Variants in NTRK2 observed in about 807,000 individuals in gnomAD.
NTRK2 encodes neurotrophic receptor tyrosine kinase 2, also known as BDNF/NT-3 growth factors receptor.
NTRK2 carries 13 observed loss-of-function variants against 94.5 expected under a neutral mutation model. The ratio of observed to expected loss-of-function variants is 0.14; its 90% confidence interval spans 0.09 to 0.22. NTRK2 has a LOEUF of 0.22. Among genes scored for constraint, NTRK2 ranks in the 10% least tolerant of loss-of-function variants. NTRK2 has a pLI of 1.00. For synonymous variants in NTRK2, 372 were observed against 407.4 expected (o/e 0.91, Z 1.05); for missense variants, 639 against 1,071.2 (o/e 0.60, Z 5.63).
At chr9:84,984,420 T>C (rs1394880783) in intron 17 of NTRK2, among the ~76,000 whole-genome samples, 4 of 152,062 alleles carry the variant, frequency 2.6e-5, no homozygotes, top group Non-Finnish European at 5.9e-5. Flanking sequence ...TGTAGTTAGC[T>C]GAGATCACAC....
intron 2 of NTRK2, among the ~76,000 whole-genome samples, chr9:84,683,225 C>T (rs1337896170): frequency 3.3e-5 from 5 of 152,056 alleles, no homozygotes; most frequent in Non-Finnish European, 1.5e-5. Context: ...GCAGAATGTA[C>T]AGGTTTGTTA....
chr9:84,793,601 A>G (rs1023028261), intron 12 of NTRK2, among the ~76,000 whole-genome samples: 1 of 152,216 alleles, frequency 6.6e-6, no homozygotes, highest in African/African-American at 2.4e-5. Context: ...TTTACAAAAT[A>G]TAGTTTTTAA....
intron 14 of NTRK2, among the ~76,000 whole-genome samples, chr9:84,902,983 T>A (rs1031518386): frequency 3.3e-5 from 5 of 152,330 alleles, no homozygotes; most frequent in Middle Eastern, 3.4e-3. Flanking sequence ...CAATGATTGT[T>A]CATTCCTTTC....
Position 84,863,106 on chromosome 9 carries a change from A to C in NTRK2, c.1444+2019A>C, listed in dbSNP as rs562545046. 1.8e-4 allele frequency among the ~76,000 whole-genome samples: 28 copies of C among 152,284 alleles called. No homozygotes were observed. The East Asian group carries it at 4.4e-3, about 24-fold the overall frequency. ...TTAGCACGGCCCCAGATGTCAAAGC[A>C]CCAGAATCCAGAATATAAAAAGGCT... is the stretch of plus-strand genomic sequence containing the variant. On this transcript the variant is annotated intron_variant, in intron 13 of 18. Transcript: ENST00000277120.
intron 4 of NTRK2, among the ~76,000 whole-genome samples, chr9:84,707,018 A>C (rs947006939): frequency 3.9e-5 from 6 of 152,212 alleles, no homozygotes; most frequent in African/African-American, 1.4e-4. Context: ...TACTCTTTAA[A>C]TAAATTTAAA....
chr9:84,979,502 A>G (rs1827316223), intron 17 of NTRK2, among the ~76,000 whole-genome samples: 1 of 152,220 alleles, frequency 6.6e-6, no homozygotes, highest in African/African-American at 2.4e-5. Flanking sequence ...TCATGAATGA[A>G]CAAATAAAGT....
At chr9:84,878,619 A>T (rs1461390138) in intron 14 of NTRK2, among the ~76,000 whole-genome samples, 1 of 148,136 alleles carries the variant, frequency 6.8e-6, no homozygotes, top group Non-Finnish European at 1.5e-5. Flanking sequence ...GGCGACAGAA[A>T]GAGACTATGT....
intron 4 of NTRK2, 37 bp from the exon 5 acceptor site, chr9:84,707,807 T>C: frequency 6.6e-7 from 1 of 1,515,212 alleles, no homozygotes. Context: ...AAATGTAACA[T>C]TTTAAATTCA....
intron 12 of NTRK2, among the ~76,000 whole-genome samples, chr9:84,845,098 C>T (rs772559868): frequency 4.6e-5 from 7 of 152,160 alleles, no homozygotes; most frequent in Non-Finnish European, 8.8e-5. Context: ...TCCAGCACTA[C>T]CACTACCAGG....
chr9:84,951,256 C>A (rs2078772155), intron 16 of NTRK2, among the ~76,000 whole-genome samples: 1 of 152,194 alleles, frequency 6.6e-6, no homozygotes, highest in Admixed American at 6.5e-5. Flanking sequence ...CTGAGACAAT[C>A]TTGATGCATT....
At chr9:84,836,142 T>C (rs908129464) in intron 12 of NTRK2, among the ~76,000 whole-genome samples, 75 of 152,348 alleles carry the variant, frequency 4.9e-4, no homozygotes, top group African/African-American at 1.7e-3. Context: ...AGAAGTAAAA[T>C]TGTTAAAATA....
intron 12 of NTRK2, among the ~76,000 whole-genome samples, chr9:84,774,928 A>G (rs1221398159): frequency 6.6e-6 from 1 of 152,232 alleles, no homozygotes; most frequent in Non-Finnish European, 1.5e-5. Flanking sequence ...AAAAAAAGAC[A>G]GTGGTGGAAG....
At chr9:84,811,155 C>A in intron 12 of NTRK2, 1 of 1,062,518 alleles carries the variant, frequency 9.4e-7, no homozygotes. Flanking sequence ...TATACCATCA[C>A]TTTGGGACTT....
chr9:84,808,502 T>C (rs566052483), intron 12 of NTRK2, among the ~76,000 whole-genome samples: 45 of 152,356 alleles, frequency 3.0e-4, no homozygotes, highest in African/African-American at 9.1e-4. Flanking sequence ...TTAATACTCA[T>C]ATTGTTTCAG....
chr9:84,699,413 G>A (rs1170090548), intron 2 of NTRK2, among the ~76,000 whole-genome samples: 1 of 152,096 alleles, frequency 6.6e-6, no homozygotes, highest in African/African-American at 2.4e-5. Context: ...TTTATCCAGG[G>A]CATTCTTGCC....
intron 12 of NTRK2, 98 bp downstream of exon 12, chr9:84,752,183 A>G (rs2064686491): frequency 1.1e-6 from 1 of 939,486 alleles, no homozygotes; most frequent in Admixed American, 1.9e-5. Flanking sequence ...TAGATTTATG[A>G]TGATTAGGTT....
At chr9:84,918,728 C>T (rs994289647) in intron 14 of NTRK2, among the ~76,000 whole-genome samples, 1 of 152,230 alleles carries the variant, frequency 6.6e-6, no homozygotes, top group African/African-American at 2.4e-5. Context: ...GTATGGTAGC[C>T]GAGTGAATAA....
intron 13 of NTRK2, among the ~76,000 whole-genome samples, chr9:84,866,393 G>A (rs1313655003): frequency 2.0e-5 from 3 of 152,072 alleles, no homozygotes; most frequent in Admixed American, 6.6e-5. Context: ...CATATAAGTC[G>A]ATGTAGAGGT....
At chr9:84,678,623 G>A (rs2059204526) in intron 2 of NTRK2, among the ~76,000 whole-genome samples, 1 of 152,154 alleles carries the variant, frequency 6.6e-6, no homozygotes, top group Non-Finnish European at 1.5e-5. Context: ...TGATGCATGT[G>A]TAGGGGTGGA....
Sources: gnomAD v4.1 joint callset for allele counts (sites outside exome capture counted in the v4.1 genomes callset) on GRCh38, gnomAD v4.1.1 for gene constraint, MANE v1.5 for transcripts, NCBI Gene and HGNC (gene_info 2026-07-23, HGNC 2026-07-21) for gene names.